UTS2B: variants seen among roughly 807,000 people sequenced by gnomAD.
UTS2B encodes urotensin-2B.
In UTS2B, 21 loss-of-function variants were observed where a neutral mutation model predicts 19.2. The ratio of observed to expected loss-of-function variants is 1.09; its 90% CI spans 0.78 to 1.58. The LOEUF is 1.58. UTS2B is among the 40% of genes most tolerant of loss of function. The pLI is 0.00. For missense variants in UTS2B, 138 were observed against 130.3 expected (o/e 1.06, Z -0.29); for synonymous variants, 57 against 50.2 (o/e 1.14, Z -0.58).
chr3:191,269,150 T>C (rs1190584332), intron 8 of UTS2B, among the ~76,000 whole-genome samples: 4 of 152,234 alleles, frequency 2.6e-5, no homozygotes, highest in Non-Finnish European at 5.9e-5. Flanking sequence ...TTTCCTTTTA[T>C]TTAACTAGCT....
intron 8 of UTS2B, among the ~76,000 whole-genome samples, chr3:191,271,098 G>T (rs1172025656): frequency 5.3e-5 from 8 of 151,206 alleles, no homozygotes; most frequent in African/African-American, 1.9e-4. Flanking sequence ...CAGCTACTTG[G>T]GTGGCTGAGG....
chr3:191,281,175 C>T (rs1330458819), intron 5 of UTS2B, among the ~76,000 whole-genome samples: 2 of 152,168 alleles, frequency 1.3e-5, no homozygotes, highest in Non-Finnish European at 2.9e-5. Context: ...TTATTACATT[C>T]TGTCTTGGTT....
chr3:191,333,725 CTG>C (rs1718059332), upstream of UTS2B, among the ~76,000 whole-genome samples: 1 of 151,960 alleles, frequency 6.6e-6, no homozygotes, highest in Admixed American at 6.6e-5. Flanking sequence ...TTATTATTCT[CTG>C]TTGGTTTAGG....
chr3:191,327,594 A>C (rs1014486382), intron 2 of UTS2B, among the ~76,000 whole-genome samples: 1 of 152,126 alleles, frequency 6.6e-6, no homozygotes, highest in Non-Finnish European at 1.5e-5. Context: ...TGTGGCCAAA[A>C]TTTTGGGTTA....
chr3:191,333,877 A>G (rs1219748991), upstream of UTS2B, among the ~76,000 whole-genome samples: 1 of 152,048 alleles, frequency 6.6e-6, no homozygotes, highest in Admixed American at 6.6e-5. Flanking sequence ...TTTTTTTCTA[A>G]TTTTTTATAG....
the UTS2B span, among the ~76,000 whole-genome samples, chr3:191,342,345 C>T: frequency 1.3e-5 from 2 of 151,848 alleles, no homozygotes; most frequent in African/African-American, 4.8e-5. Context: ...TTGAATATTG[C>T]TCTCAATCGT....
At chr3:191,276,338 C>A in intron 7 of UTS2B, among the ~76,000 whole-genome samples, 1 of 152,174 alleles carries the variant, frequency 6.6e-6, no homozygotes, top group East Asian at 1.9e-4. Context: ...GGGTCCCCGT[C>A]AAGAAGGCAG....
intron 4 of UTS2B, among the ~76,000 whole-genome samples, chr3:191,291,190 A>G (rs188778288): frequency 9.8e-5 from 15 of 152,288 alleles, no homozygotes; most frequent in East Asian, 5.8e-4. Context: ...GTAAGAGTTC[A>G]TTGTATTCTG....
At chr3:191,301,483 ATTTTT>A (rs750203551) in intron 4 of UTS2B, among the ~76,000 whole-genome samples, 5 of 113,832 alleles carry the variant, frequency 4.4e-5, no homozygotes, top group Non-Finnish European at 8.6e-5. Context: ...ATTTTTGGTA[ATTTTT>A]TTTTTTTTTT....
intron 3 of UTS2B, among the ~76,000 whole-genome samples, chr3:191,308,278 T>C (rs1717198839): frequency 6.6e-6 from 1 of 152,206 alleles, no homozygotes; most frequent in South Asian, 2.1e-4. Context: ...CTAAGCCACA[T>C]GAATACGTCC....
intron 2 of UTS2B, among the ~76,000 whole-genome samples, chr3:191,325,079 T>G (rs1717710603): frequency 6.6e-6 from 1 of 151,640 alleles, no homozygotes; most frequent in African/African-American, 2.4e-5. Flanking sequence ...AATAAGGAAG[T>G]CAAGGAAAGA....
chr3:191,292,539 T>C (rs1454357170), intron 4 of UTS2B, among the ~76,000 whole-genome samples: 1 of 152,212 alleles, frequency 6.6e-6, no homozygotes, highest in Admixed American at 6.5e-5. Context: ...ATTAGCTCTG[T>C]TTATTTATTT....
chr3:191,295,833 TA>T (rs1330602837), intron 4 of UTS2B, among the ~76,000 whole-genome samples: 1 of 152,190 alleles, frequency 6.6e-6, no homozygotes, highest in Non-Finnish European at 1.5e-5. Flanking sequence ...TTAAGTCTCT[TA>T]AATACTTCTC....
rs6788319 is a variant in UTS2B, at chr3:191,282,128, C to A, written c.62G>T (p.Ser21Ile). The A allele has an allele frequency of 0.58, 941,080 of 1,610,112 alleles. 280,572 individuals carry two copies. Among genetic ancestry groups the A allele is most frequent in the Admixed American group, 0.61 (36,762 of 59,818 alleles). Residue 21 changes from serine to isoleucine, a missense_variant, in exon 5 of 9, where the codon AGT becomes ATT. By Grantham distance (142) the Ser-to-Ile change is moderately radical (BLOSUM62 -2). Coordinates refer to ENST00000340524, the MANE Select transcript of UTS2B (RefSeq NM_198152.5). ...FGLLTLLSVL[S>I]FLQSVHGRPY... is the part of the protein sequence containing the mutation. ...TCGTCCATGCACAGATTGTAAAAAA[C>A]TCAACACGGATAACAAAGTTAGGAG...
chr3:191,298,166 C>T (rs527700187), intron 4 of UTS2B, among the ~76,000 whole-genome samples: 14 of 151,958 alleles, frequency 9.2e-5, no homozygotes, highest in Non-Finnish European at 1.9e-4. Flanking sequence ...CATTTAACAC[C>T]CAATGTCGTA....
At chr3:191,322,195 C>T (rs1265616903) in intron 2 of UTS2B, among the ~76,000 whole-genome samples, 1 of 151,966 alleles carries the variant, frequency 6.6e-6, no homozygotes, top group Non-Finnish European at 1.5e-5. Context: ...GTTGCTAGCC[C>T]ATAACTATTT....
chr3:191,342,764 A>G, the UTS2B span, among the ~76,000 whole-genome samples: 160 of 152,368 alleles, frequency 1.1e-3, no homozygotes, highest in African/African-American at 3.6e-3. Context: ...TTAGGGATAC[A>G]TGGAATAAAA....
chr3:191,345,571 A>G, the UTS2B span, among the ~76,000 whole-genome samples: 2 of 152,194 alleles, frequency 1.3e-5, no homozygotes, highest in Non-Finnish European at 2.9e-5. Context: ...TAGATGGTCT[A>G]TGATATTAAA....
At chr3:191,274,135 C>A (rs1172252477) in intron 8 of UTS2B, among the ~76,000 whole-genome samples, 1 of 151,836 alleles carries the variant, frequency 6.6e-6, no homozygotes, top group African/African-American at 2.4e-5. Flanking sequence ...CTCCCTCCTA[C>A]CCTCCACTTC....
Sources: allele counts gnomAD v4.1 joint callset (sites outside exome capture counted in the v4.1 genomes callset), GRCh38; gene constraint gnomAD v4.1.1; transcripts MANE v1.5; gene names NCBI Gene and HGNC (gene_info 2026-07-23, HGNC 2026-07-21).